Variants in RYR2 observed in about 807,000 individuals in gnomAD.
RYR2 encodes cardiac muscle ryanodine receptor-calcium release channel.
A neutral mutation model predicts 601.1 loss-of-function variants in RYR2; 227 were observed. That is an observed-to-expected ratio of 0.38 (90% CI 0.34 to 0.42). RYR2 has a LOEUF of 0.42. RYR2 is among the 10% of genes least tolerant of loss of function. RYR2 has a pLI of 1.00. For missense variants in RYR2, 4,646 were observed against 6,156.5 expected, an observed-to-expected ratio of 0.75 and a Z score of 8.21; for synonymous variants, 2,223 against 2,175.1, an observed-to-expected ratio of 1.02 and a Z score of -0.61.
intron 1 of RYR2, among the ~76,000 whole-genome samples, chr1:237,251,028 A>G (rs943374622): frequency 2.9e-5 from 4 of 139,224 alleles, no homozygotes; most frequent in Non-Finnish European, 4.7e-5. Flanking sequence ...TCCCCAACAG[A>G]TGTGTGTGTG....
Position 237,668,978 on chromosome 1 carries a change from C to G in RYR2, c.8590+1020C>G, listed in dbSNP as rs1033421248. Among the ~76,000 whole-genome samples the G allele has an allele frequency of 5.3e-5, 8 of 151,752 alleles. No individual in the cohort carries two copies. In the South Asian group the frequency reaches 8.4e-4, roughly 16 times the overall value. On this transcript the variant is annotated intron_variant, in intron 58 of 104. Coordinates refer to ENST00000366574, the MANE Select transcript of RYR2 (RefSeq NM_001035.3). ...AGTGGAGGGAAGGTCAGCAGATAAACAAGTGAACAAAGGTCTCTGGTTTTC... is the reference window on the plus strand; with the variant it reads ...AGTGGAGGGAAGGTCAGCAGATAAAGAAGTGAACAAAGGTCTCTGGTTTTC...
intron 1 of RYR2, among the ~76,000 whole-genome samples, chr1:237,207,435 G>A (rs1681941190): frequency 6.6e-6 from 1 of 152,142 alleles, no homozygotes; most frequent in Non-Finnish European, 1.5e-5. Flanking sequence ...GCATGGTGGT[G>A]GGCACCTGTA....
At chr1:237,383,401 T>C (rs1028318134) in intron 8 of RYR2, among the ~76,000 whole-genome samples, 28 of 150,288 alleles carry the variant, frequency 1.9e-4, no homozygotes, top group Admixed American at 8.0e-4. Flanking sequence ...TTTTACATTT[T>C]CTTTTCTTTT....
chr1:237,742,222 G>A, intron 79 of RYR2, 74 bp from the exon 80 acceptor site: 3 of 934,262 alleles, frequency 3.2e-6, no homozygotes, highest in Non-Finnish European at 3.3e-6. Context: ...GCTCTTCTAT[G>A]TCTAATGTTC....
chr1:237,666,383 T>C lies in RYR2; in HGVS notation c.8437-129T>C, dbSNP rs543555577. 5.2e-5 allele frequency: 38 copies of C among 733,912 alleles called. No individual in the cohort carries two copies. The South Asian group carries it at 6.2e-4, about 12-fold the overall frequency. The allele number at this position is 733,912 out of a possible 1,614,324, so 45.5% of individuals were successfully genotyped here. ...GATGTGTTTACAACATCATTTTGTA[T>C]AGAAACTTGCCAGTTTTATCTAAGG... On this transcript the variant is annotated intron_variant, in intron 56 of 104. Coordinates refer to ENST00000366574, the MANE Select transcript of RYR2 (RefSeq NM_001035.3).
chr1:237,388,608 T>C (rs1278726580), intron 10 of RYR2, among the ~76,000 whole-genome samples: 1 of 152,226 alleles, frequency 6.6e-6, no homozygotes, highest in African/African-American at 2.4e-5. Flanking sequence ...TCTCATTTAT[T>C]GATACAGATG....
At chr1:237,606,081 T>C (rs1327906088) in intron 35 of RYR2, among the ~76,000 whole-genome samples, 1 of 151,480 alleles carries the variant, frequency 6.6e-6, no homozygotes, top group East Asian at 1.9e-4. Flanking sequence ...AAAGTTCATA[T>C]GGAACCAAAA....
chr1:237,288,838 C>T (rs538186152), intron 2 of RYR2, among the ~76,000 whole-genome samples: 1 of 152,236 alleles, frequency 6.6e-6, no homozygotes, highest in African/African-American at 2.4e-5. Flanking sequence ...AGGCCTCTCA[C>T]CCCATTCAAA....
chr1:237,197,960 G>A (rs1572172611), intron 1 of RYR2, among the ~76,000 whole-genome samples: 1 of 152,324 alleles, frequency 6.6e-6, no homozygotes, highest in East Asian at 1.9e-4. Context: ...TCAATCATAG[G>A]TTGGCAGGAT....
Position 237,388,110 on chromosome 1 carries a change from C to T in RYR2, c.700C>T (p.Leu234Phe). ...AGGGTATCTCATTGGTGGTGATGTC[C>T]TCAGGTTGCTGCATGGACACATGGA... is the stretch of plus-strand genomic sequence containing the variant. ...AQGYLIGGDV[L>F]RLLHGHMDEC... The change falls in exon 10 of 105, where the codon CTC becomes TTC. Residue 234 changes from leucine (L) to phenylalanine (F), a missense_variant. Around this residue, in one of 17 missense-constraint regions of RYR2, gnomAD observed 87 missense variants for 144.7 expected, o/e 0.60. Coordinates refer to ENST00000366574, the MANE Select transcript of RYR2 (RefSeq NM_001035.3). 1 of 1,613,912 alleles carries T rather than the reference C, an allele frequency of 6.2e-7. No individual in the cohort carries two copies. The highest frequency in any genetic ancestry group is 8.5e-7 in the Non-Finnish European group (1 of 1,179,868).
Position 237,705,334 on chromosome 1 carries a change from G to A in RYR2, c.9571G>A (p.Glu3191Lys). The change falls in exon 67 of 105, where the codon GAA becomes AAA. Residue 3191 changes from glutamate (E) to lysine (K), a missense_variant. Around this residue, in one of 17 missense-constraint regions of RYR2, gnomAD observed 1,497 missense variants for 1,842.6 expected, o/e 0.81. Transcript: ENST00000366574. ...YSIYNTKSSRERAALSLPTNV... is the reference protein window; with the variant it reads ...YSIYNTKSSRKRAALSLPTNV... ...CATCTACAATACCAAGTCTTCACGA[G>A]AAAGAGCAGGTAACACAGAAACATG... 1 of 1,604,200 alleles carries A rather than the reference G, an allele frequency of 6.2e-7. No homozygotes were observed. Among genetic ancestry groups the A allele is most frequent in the South Asian group, 1.1e-5 (1 of 89,222 alleles).
intron 73 of RYR2, among the ~76,000 whole-genome samples, chr1:237,720,634 A>G (rs991606931): frequency 1.3e-5 from 2 of 152,236 alleles, no homozygotes; most frequent in Admixed American, 6.5e-5. Flanking sequence ...TTTTATGTAC[A>G]TGGGTATTTG....
chr1:237,209,497 A>ATATGTGTGTGTGTGTGTG lies in RYR2; in HGVS notation c.49-60999_49-60998insATGTGTGTGTGTGTGTGT, dbSNP rs138024057. 1.9e-3 allele frequency among the ~76,000 whole-genome samples: 271 copies of ATATGTGTGTGTGTGTGTG among 143,348 alleles called. 3 individuals carry two copies. Among genetic ancestry groups the ATATGTGTGTGTGTGTGTG allele is most frequent in the African/African-American group, 6.6e-3 (260 of 39,458 alleles). The allele number at this position is 143,348 out of a possible 152,430, so 94.0% of individuals were successfully genotyped here. A position where few individuals can be genotyped will look rare whatever the true frequency, so the allele number is the denominator to read the frequency against. ...ATGGTACAGTGTAAAATCTGCATAT[A>ATATGTGTGTGTGTGTGTG]TGTGTGTGTGTGTGTGTATTTTTTT... On this transcript the variant is annotated intron_variant, in intron 1 of 104. Coordinates refer to ENST00000366574, the MANE Select transcript of RYR2 (RefSeq NM_001035.3).
chr1:237,607,343 A>G (rs906554845), intron 35 of RYR2, among the ~76,000 whole-genome samples: 7 of 146,602 alleles, frequency 4.8e-5, no homozygotes, highest in African/African-American at 1.7e-4. Context: ...CACACACCGC[A>G]TGTTCTTACT....
At chr1:237,513,109 A>T (rs959921871) in intron 24 of RYR2, among the ~76,000 whole-genome samples, 1 of 152,178 alleles carries the variant, frequency 6.6e-6, no homozygotes, top group Non-Finnish European at 1.5e-5. Flanking sequence ...TCACCCAGTA[A>T]AGGCAAATTT....
intron 3 of RYR2, 127 bp downstream of exon 3, chr1:237,331,109 T>C (rs979446298): frequency 2.3e-5 from 18 of 782,988 alleles, no homozygotes; most frequent in Non-Finnish European, 1.5e-5. Flanking sequence ...AGTTGGAATG[T>C]CCTTAGGTTT....
rs959012 is a variant in RYR2, at chr1:237,658,583, A to T, written c.8208+561A>T. 4.6e-5 allele frequency among the ~76,000 whole-genome samples: 7 copies of T among 151,758 alleles called. No homozygotes were observed. The East Asian group carries it at 1.4e-3, about 30-fold the overall frequency. On this transcript the variant is annotated intron_variant, in intron 54 of 104. Transcript: ENST00000366574. Reference sequence around the variant, plus strand: ...ATTGTTAATATTTTTTATAGAGATGAGATCTTGCTATGTTGCCCAGGCTGG... The same window carrying T: ...ATTGTTAATATTTTTTATAGAGATGTGATCTTGCTATGTTGCCCAGGCTGG...
intron 37 of RYR2, among the ~76,000 whole-genome samples, chr1:237,616,386 T>C (rs1169323773): frequency 6.6e-6 from 1 of 152,206 alleles, no homozygotes; most frequent in African/African-American, 2.4e-5. Context: ...ACCCAGCTAA[T>C]CACTGAATGA....
At chr1:237,156,932 T>C (rs1675408288) in intron 1 of RYR2, among the ~76,000 whole-genome samples, 1 of 152,196 alleles carries the variant, frequency 6.6e-6, no homozygotes, top group South Asian at 2.1e-4. Flanking sequence ...TGCGCACTGT[T>C]GGTGGCAGTG....
Sources: allele counts gnomAD v4.1 joint callset (sites outside exome capture counted in the v4.1 genomes callset), GRCh38; gene constraint gnomAD v4.1.1; regional missense constraint gnomAD v4.1.1; transcripts MANE v1.5; gene names NCBI Gene and HGNC (gene_info 2026-07-23, HGNC 2026-07-21).